The following TAOK1 variants were observed in gnomAD, a reference collection of about 807,000 sequenced individuals.
The protein encoded by TAOK1 is serine/threonine-protein kinase TAO1.
A neutral mutation model predicts 138.3 loss-of-function variants in TAOK1; 21 were observed. The observed-to-expected ratio is 0.15, with a 90% CI of 0.11 to 0.22. The LOEUF (loss-of-function observed/expected upper bound fraction) is 0.22. Ranked by LOEUF, TAOK1 falls within the 10% of genes least tolerant of loss-of-function variation. The pLI, the probability that TAOK1 is intolerant of heterozygous loss-of-function variation, is 1.00. For missense variants in TAOK1, 651 were observed against 1,227.7 expected (o/e 0.53, Z 7.02); for synonymous variants, 361 against 398.4 (o/e 0.91, Z 1.12).
chr17:29,472,560 C>CCTTT (rs1157441660), intron 3 of TAOK1, among the ~76,000 whole-genome samples: 2 of 140,342 alleles, frequency 1.4e-5, no homozygotes, highest in Non-Finnish European at 3.0e-5. Context: ...GCTGCTATAG[C>CCTTT]CTTTCTTTCT....
At chr17:29,466,628 T>C (rs1043591715) in intron 2 of TAOK1, among the ~76,000 whole-genome samples, 3 of 152,234 alleles carry the variant, frequency 2.0e-5, no homozygotes, top group African/African-American at 7.2e-5. Context: ...GGATAGCTCT[T>C]CTATTTTTCT....
intron 1 of TAOK1, among the ~76,000 whole-genome samples, chr17:29,408,593 G>A (rs1905059588): frequency 6.6e-6 from 1 of 152,074 alleles, no homozygotes; most frequent in South Asian, 2.1e-4. Context: ...GTACAGATCA[G>A]TGGCTGTAAC....
chr17:29,472,146 G>A (rs745868737), intron 3 of TAOK1, among the ~76,000 whole-genome samples: 5 of 152,058 alleles, frequency 3.3e-5, no homozygotes, highest in Non-Finnish European at 5.9e-5. Context: ...CCCATGAGTC[G>A]GAAACGTTCT....
At chr17:29,523,633 G>A (rs531368953) in intron 17 of TAOK1, among the ~76,000 whole-genome samples, 3 of 152,144 alleles carry the variant, frequency 2.0e-5, no homozygotes, top group South Asian at 2.1e-4. Context: ...TGATCCACCC[G>A]CCTCGGCCTC....
Position 29,530,449 on chromosome 17 carries a change from A to G in TAOK1, c.2191A>G (p.Lys731Glu). The change falls in exon 18 of 20, where the codon AAA becomes GAA. Residue 731 changes from lysine to glutamate, a missense_variant. Coordinates refer to ENST00000261716, the MANE Select transcript of TAOK1 (RefSeq NM_020791.4). ...QIKKQFQDTC[K>E]IQTRQYKALR... ...AAAAAAGCAGTTTCAGGATACCTGCAAAATCCAAACCAGACAGTACAAAGC... is the reference window on the plus strand; with the variant it reads ...AAAAAAGCAGTTTCAGGATACCTGCGAAATCCAAACCAGACAGTACAAAGC... 6.2e-7 allele frequency: 1 copy of G among 1,614,188 alleles called. No homozygotes were observed. The highest frequency in any genetic ancestry group is 8.5e-7 in the Non-Finnish European group (1 of 1,180,042).
intron 1 of TAOK1, among the ~76,000 whole-genome samples, chr17:29,436,711 C>T (rs1326185789): frequency 6.6e-6 from 1 of 152,104 alleles, no homozygotes; most frequent in Non-Finnish European, 1.5e-5. Flanking sequence ...AATACGGAGA[C>T]ATTAGAACTT....
intron 2 of TAOK1, among the ~76,000 whole-genome samples, chr17:29,465,810 C>T (rs4283277): frequency 4.4e-5 from 3 of 68,418 alleles, no homozygotes; most frequent in Non-Finnish European, 8.6e-5. Context: ...CTCTTGTTTT[C>T]TAAGAGTTAA....
intron 1 of TAOK1, among the ~76,000 whole-genome samples, chr17:29,422,701 C>G (rs1318368033): frequency 1.3e-5 from 2 of 152,168 alleles, no homozygotes; most frequent in Non-Finnish European, 2.9e-5. Flanking sequence ...TCTTCTTTCT[C>G]TTTGGCATTA....
rs1251933414 is a variant in TAOK1 at position 29,501,442 on chromosome 17, A to G, written c.1204-1147A>G. 2.8e-4 allele frequency among the ~76,000 whole-genome samples: 42 copies of G among 149,636 alleles called. 1 individual carries two copies. On this transcript the variant is annotated intron_variant, in intron 12 of 19. Transcript: ENST00000261716. ...CTGTCTCAAAAAAAAAAAAAAAAAG[A>G]TTATTCCCACAATTAATTGGTTGCT... is the stretch of plus-strand genomic sequence containing the variant.
chr17:29,526,105 A>C (rs974501212), intron 17 of TAOK1, among the ~76,000 whole-genome samples: 3 of 151,498 alleles, frequency 2.0e-5, no homozygotes, highest in Non-Finnish European at 4.4e-5. Flanking sequence ...GAAAAACCCC[A>C]TCTCTACTAA....
At chr17:29,414,013 G>T (rs566438040) in intron 1 of TAOK1, among the ~76,000 whole-genome samples, 1 of 149,818 alleles carries the variant, frequency 6.7e-6, no homozygotes, top group Non-Finnish European at 1.5e-5. Context: ...CTCCCTAGTA[G>T]CTGGGACTAT....
intron 2 of TAOK1, among the ~76,000 whole-genome samples, chr17:29,454,694 T>G (rs1381738261): frequency 1.3e-5 from 2 of 152,038 alleles, no homozygotes; most frequent in Admixed American, 1.3e-4. Context: ...TAGGTTTTTT[T>G]GTTTTTTTGT....
intron 1 of TAOK1, among the ~76,000 whole-genome samples, chr17:29,403,002 A>C (rs1904892466): frequency 6.6e-6 from 1 of 151,812 alleles, no homozygotes; most frequent in African/African-American, 2.4e-5. Context: ...TCAAAAAAAA[A>C]AAAACAAAAT....
intron 19 of TAOK1, among the ~76,000 whole-genome samples, chr17:29,539,424 T>TTTTTG (rs1209312450): frequency 2.2e-4 from 34 of 152,000 alleles, no homozygotes; most frequent in Non-Finnish European, 3.7e-4. Flanking sequence ...GCATGCCTGT[T>TTTTTG]TTTTGTTTTG....
intron 19 of TAOK1, among the ~76,000 whole-genome samples, chr17:29,541,523 C>A (rs894800099): frequency 3.3e-5 from 5 of 151,778 alleles, no homozygotes; most frequent in Non-Finnish European, 5.9e-5. Flanking sequence ...AATCCTCAAT[C>A]CCAGCACTTT....
At chr17:29,485,604 A>G (rs2031155986) in intron 8 of TAOK1, among the ~76,000 whole-genome samples, 1 of 152,190 alleles carries the variant, frequency 6.6e-6, no homozygotes, top group African/African-American at 2.4e-5. Context: ...ATGCTACTAC[A>G]CTTCAGCCTG....
chr17:29,467,746 TA>T (rs2030706506), intron 3 of TAOK1, among the ~76,000 whole-genome samples: 1 of 152,080 alleles, frequency 6.6e-6, no homozygotes, highest in African/African-American at 2.4e-5. Context: ...CTGAGAGCCA[TA>T]AACAGAGCAT....
rs747785350 is a variant in TAOK1, at chr17:29,542,532, G to T, written c.2545-29G>T. 3.9e-6 allele frequency: 6 copies of T among 1,521,888 alleles called. No homozygotes were observed. The South Asian group carries it at 7.9e-5, about 20-fold the overall frequency. 94.3% of individuals were successfully genotyped at this position (1,521,888 alleles called of 1,614,324 possible). A position where few individuals can be genotyped will look rare whatever the true frequency, so the allele number is the denominator to read the frequency against. ...TTATAGACTTAAAAATAATAAATTG[G>T]CTTTCATTTTTCTTCCAATCTCCAA... On this transcript the variant is annotated intron_variant, in intron 19 of 19. Coordinates refer to ENST00000261716, the MANE Select transcript of TAOK1 (RefSeq NM_020791.4).
At chr17:29,424,986 A>G (rs1323714974) in intron 1 of TAOK1, 1 of 152,212 alleles carries the variant, frequency 6.6e-6, no homozygotes. Context: ...ATTGAGATAT[A>G]CTACTTTGTC....
Sources: gnomAD v4.1 joint callset for allele counts (sites outside exome capture counted in the v4.1 genomes callset) on GRCh38, gnomAD v4.1.1 for gene constraint, MANE v1.5 for transcripts, NCBI Gene and HGNC (gene_info 2026-07-23, HGNC 2026-07-21) for gene names.